The following SORBS2 variants were observed in gnomAD, a reference collection of about 807,000 sequenced individuals.
SORBS2 encodes the protein sorbin and SH3 domain-containing protein 2.
In SORBS2, 46 loss-of-function variants were observed where a neutral mutation model predicts 97.7. The ratio of observed to expected loss-of-function variants is 0.47; its 90% CI spans 0.37 to 0.60. SORBS2 has a LOEUF of 0.60. Ranked by LOEUF, SORBS2 falls within the 20% of genes least tolerant of loss-of-function variation. The probability of loss-of-function intolerance (pLI) is 0.00; values close to 1 mark genes in which losing one functional copy is unlikely to be tolerated. For synonymous variants in SORBS2, 476 were observed against 473.4 expected (o/e 1.01, Z -0.07); for missense variants, 1,316 against 1,282.3 (o/e 1.03, Z -0.40).
Position 185,623,087 on chromosome 4 carries a change from G to C in SORBS2, c.2042C>G (p.Ala681Gly), listed in dbSNP as rs376831365. ...CTGGTGCAGGGGGCTCCTCCTCAGC[G>C]CTCTCAGGGATGAGTTCCTCTCGGG... The change falls in exon 7 of 15, where the codon GCG becomes GGG. Residue 681 changes from alanine to glycine, a missense_variant. By Grantham distance (60) the Ala-to-Gly change is moderately conservative. Transcript: ENST00000418609. This position sits in a 1 kb window ranked among gnomAD's most constrained non-coding sequence, Gnocchi z 6.4. 7 of 1,613,986 alleles carry C rather than the reference G, an allele frequency of 4.3e-6. No homozygotes were observed. In the African/African-American group the frequency reaches 6.7e-5, roughly 15 times the overall value.
At chr4:185,612,998 A>T (rs955923645) in intron 11 of SORBS2, among the ~76,000 whole-genome samples, 1 of 152,238 alleles carries the variant, frequency 6.6e-6, no homozygotes, top group Non-Finnish European at 1.5e-5. Context: ...CTTGGCTTTC[A>T]CAATGATAGA....
intron 1 of SORBS2, among the ~76,000 whole-genome samples, chr4:185,903,578 C>A (rs567790712): frequency 6.6e-6 from 1 of 152,134 alleles, no homozygotes; most frequent in Non-Finnish European, 1.5e-5. Flanking sequence ...AGCTCTCCCC[C>A]CTGCCACCGC....
At chr4:185,925,067 A>G (rs796947582) in intron 1 of SORBS2, among the ~76,000 whole-genome samples, 5 of 152,366 alleles carry the variant, frequency 3.3e-5, no homozygotes, top group African/African-American at 1.2e-4. Flanking sequence ...GATTGAGTTT[A>G]TATGAATGTT....
At chr4:185,775,756 TC>T (rs1294513141) in intron 1 of SORBS2, 2 of 152,238 alleles carry the variant, frequency 1.3e-5, no homozygotes, top group Non-Finnish European at 2.9e-5. Flanking sequence ...AGGAGGCTTT[TC>T]TTCTGATATT....
intron 2 of SORBS2, among the ~76,000 whole-genome samples, chr4:185,758,439 C>T (rs2098844022): frequency 6.6e-6 from 1 of 152,124 alleles, no homozygotes; most frequent in African/African-American, 2.4e-5. Flanking sequence ...ATAGGGTTCT[C>T]CTCCTCCTCC....
chr4:185,926,158 A>G (rs556969737), intron 1 of SORBS2, among the ~76,000 whole-genome samples: 11 of 152,356 alleles, frequency 7.2e-5, no homozygotes, highest in African/African-American at 2.2e-4. Context: ...AAACAAATGG[A>G]GGACCTGATG....
chr4:185,946,503 A>C (rs1275656993), intron 1 of SORBS2, among the ~76,000 whole-genome samples: 1 of 152,216 alleles, frequency 6.6e-6, no homozygotes, highest in Non-Finnish European at 1.5e-5. Flanking sequence ...CATAGATATG[A>C]ATTCCAGAAA....
At position 185,868,155 on chromosome 4, in the gene SORBS2, C is replaced by CTTTTTTTT. The variant is rs1431293135; in HGVS notation, c.-338+88040_-338+88041insAAAAAAAA. 6.2e-4 allele frequency among the ~76,000 whole-genome samples: 62 copies of CTTTTTTTT among 100,726 alleles called. 3 individuals carry two copies. Among genetic ancestry groups the CTTTTTTTT allele is most frequent in the South Asian group, 9.4e-4 (3 of 3,202 alleles). The allele number at this position is 100,726 out of a possible 152,430, so 66.1% of individuals were successfully genotyped here. A position where few individuals can be genotyped will look rare whatever the true frequency, so the allele number is the denominator to read the frequency against. ...CCTTTCTCTTTTCTTTTCTTTTTTT[C>CTTTTTTTT]TTTCTTTTTTTTTTTTTTTGAGGCA... On this transcript the variant is annotated intron_variant, in intron 1 of 20. Transcript: ENST00000284776.
At chr4:185,758,784 A>G (rs2098846186) in intron 2 of SORBS2, among the ~76,000 whole-genome samples, 1 of 152,018 alleles carries the variant, frequency 6.6e-6, no homozygotes, top group South Asian at 2.1e-4. Context: ...GGCCACTCAC[A>G]CTTTAGGGCA....
chr4:185,941,433 G>A (rs2099271952), intron 1 of SORBS2, among the ~76,000 whole-genome samples: 1 of 152,130 alleles, frequency 6.6e-6, no homozygotes, highest in Admixed American at 6.5e-5. Flanking sequence ...TGAGAACATG[G>A]AAATAATATA....
intron 2 of SORBS2, among the ~76,000 whole-genome samples, chr4:185,699,803 A>G (rs1449023224): frequency 6.6e-6 from 1 of 152,210 alleles, no homozygotes; most frequent in African/African-American, 2.4e-5. Flanking sequence ...GATATCTTCC[A>G]TTTTAATGGA....
At chr4:185,955,796 C>CT (rs1392814408) in intron 1 of SORBS2, among the ~76,000 whole-genome samples, 4 of 152,024 alleles carry the variant, frequency 2.6e-5, no homozygotes, top group Admixed American at 6.6e-5. Flanking sequence ...GCAATTTGGC[C>CT]TTTTTTCTCT....
At chr4:185,858,931 A>C (rs2099222189) in intron 1 of SORBS2, among the ~76,000 whole-genome samples, 1 of 152,220 alleles carries the variant, frequency 6.6e-6, no homozygotes, top group Admixed American at 6.5e-5. Flanking sequence ...GATGCCTTGA[A>C]ATTACTGATT....
intron 2 of SORBS2, among the ~76,000 whole-genome samples, chr4:185,745,531 G>T (rs985078899): frequency 3.3e-5 from 5 of 152,172 alleles, no homozygotes; most frequent in African/African-American, 1.2e-4. Context: ...CATAGCACCT[G>T]TGCACCCGAG....
chr4:185,879,053 G>A (rs903717161), intron 1 of SORBS2, among the ~76,000 whole-genome samples: 1 of 152,002 alleles, frequency 6.6e-6, no homozygotes, highest in Non-Finnish European at 1.5e-5. Context: ...TTAAGTTCTA[G>A]GGTACATGTG....
intron 1 of SORBS2, among the ~76,000 whole-genome samples, chr4:185,825,480 T>A (rs1340496433): frequency 6.6e-6 from 1 of 152,268 alleles, no homozygotes; most frequent in Non-Finnish European, 1.5e-5. Flanking sequence ...ACTGTTTTAA[T>A]GAATTGTCTG....
chr4:185,867,197 A>G (rs1261179174), intron 1 of SORBS2, among the ~76,000 whole-genome samples: 2 of 152,016 alleles, frequency 1.3e-5, no homozygotes, highest in African/African-American at 4.8e-5. Context: ...TTTTTAGTAG[A>G]GATGGGGTTT....
At chr4:185,685,726 T>C (rs1466857090) in intron 2 of SORBS2, among the ~76,000 whole-genome samples, 1 of 152,168 alleles carries the variant, frequency 6.6e-6, no homozygotes, top group Non-Finnish European at 1.5e-5. Context: ...TCTTGCTGTG[T>C]TCCCCAGGCT....
intron 2 of SORBS2, among the ~76,000 whole-genome samples, chr4:185,738,919 G>A: frequency 6.6e-6 from 1 of 152,172 alleles, no homozygotes; most frequent in East Asian, 1.9e-4. Flanking sequence ...TAATATGTTG[G>A]AAGTGATACC....
Sources: allele counts gnomAD v4.1 joint callset (sites outside exome capture counted in the v4.1 genomes callset), GRCh38; gene constraint gnomAD v4.1.1; non-coding constraint Gnocchi (gnomAD v3.1); transcripts MANE v1.5; gene names NCBI Gene and HGNC (gene_info 2026-07-23, HGNC 2026-07-21).